Variants in PCSK2 observed in about 807,000 individuals in gnomAD.
PCSK2 encodes proprotein convertase subtilisin/kexin type 2, also known as neuroendocrine convertase 2.
A neutral mutation model predicts 69.7 loss-of-function variants in PCSK2; 14 were observed. The ratio of observed to expected loss-of-function variants is 0.20; its 90% CI spans 0.13 to 0.31. PCSK2 has a LOEUF of 0.31. PCSK2 is among the 10% of genes least tolerant of loss of function. PCSK2 has a pLI of 1.00. For missense variants in PCSK2, 544 were observed against 842.5 expected, an observed-to-expected ratio of 0.65 and a Z score of 4.39; for synonymous variants, 307 against 320.7, an observed-to-expected ratio of 0.96 and a Z score of 0.46.
intron 3 of PCSK2, among the ~76,000 whole-genome samples, chr20:17,360,219 G>A (rs2030343076): frequency 6.6e-6 from 1 of 152,082 alleles, no homozygotes; most frequent in Admixed American, 6.5e-5. Context: ...AGGGTTTCCT[G>A]CAATAGCAGC....
rs552112578 is a variant in PCSK2, at chr20:17,230,389, T to C, written c.177+2907T>C. On this transcript the variant is annotated intron_variant, in intron 1 of 11. Transcript: ENST00000262545. ...GAGAAATTACTGGCATCAGCTGTAA[T>C]TCTCAGATGAAAACCTTAAGGCCTT... 8.7e-4 allele frequency among the ~76,000 whole-genome samples: 132 copies of C among 152,362 alleles called. 2 individuals carry two copies. In the South Asian group the frequency reaches 0.027, roughly 31 times the overall value.
chr20:17,380,823 A>G (rs1170896292), intron 5 of PCSK2, among the ~76,000 whole-genome samples: 1 of 152,234 alleles, frequency 6.6e-6, no homozygotes, highest in East Asian at 1.9e-4. Context: ...TGAAATTAAA[A>G]GGGGCAATTA....
chr20:17,428,406 ATG>A (rs3076116), intron 6 of PCSK2, among the ~76,000 whole-genome samples: 6 of 151,000 alleles, frequency 4.0e-5, no homozygotes, highest in African/African-American at 9.7e-5. Context: ...GAGAAAGAAA[ATG>A]TGTGTGTGTG....
In PCSK2 at chr20:17,484,000, A is replaced by G. The variant is rs2033455234; in HGVS notation, c.*1930A>G. 6.6e-6 allele frequency: 1 copy of G among 152,510 alleles called. No individual in the cohort carries two copies. The highest frequency in any genetic ancestry group is 2.4e-5 in the African/African-American group (1 of 41,440). 9.4% of individuals were successfully genotyped at this position (152,510 alleles called of 1,614,324 possible). A position where few individuals can be genotyped will look rare whatever the true frequency, so the allele number is the denominator to read the frequency against. On this transcript the variant is annotated 3_prime_UTR_variant, in exon 12 of 12. Transcript: ENST00000262545. ...ATACACATATACCTATAATGTGTGT[A>G]TGTGTATTTATTGAAGAAACAGATA... is the stretch of plus-strand genomic sequence containing the variant.
chr20:17,428,357 G>A (rs2032290849), intron 6 of PCSK2, among the ~76,000 whole-genome samples: 1 of 152,112 alleles, frequency 6.6e-6, no homozygotes, highest in African/African-American at 2.4e-5. Context: ...CATGAAATAT[G>A]TAGCCTTTAT....
At chr20:17,438,995 G>C (rs1409006732) in intron 8 of PCSK2, among the ~76,000 whole-genome samples, 6 of 152,162 alleles carry the variant, frequency 3.9e-5, no homozygotes, top group Non-Finnish European at 8.8e-5. Context: ...TCTGCCTCAG[G>C]CTCTGCTTCT....
chr20:17,364,106 G>A (rs2030505282), intron 4 of PCSK2, among the ~76,000 whole-genome samples: 1 of 151,570 alleles, frequency 6.6e-6, no homozygotes, highest in African/African-American at 2.4e-5. Flanking sequence ...CCTGCACGTT[G>A]TGCACATGTA....
chr20:17,284,188 G>T (rs1480535267), intron 2 of PCSK2, among the ~76,000 whole-genome samples: 1 of 152,178 alleles, frequency 6.6e-6, no homozygotes, highest in Non-Finnish European at 1.5e-5. Flanking sequence ...TGGGAACATT[G>T]TTCCCACTAA....
intron 2 of PCSK2, among the ~76,000 whole-genome samples, chr20:17,273,241 C>T (rs1282279040): frequency 1.3e-5 from 2 of 152,104 alleles, no homozygotes; most frequent in Admixed American, 1.3e-4. Flanking sequence ...TATCATTGAA[C>T]TTCTATCAGT....
Position 17,453,712 on chromosome 20 carries a change from T to G in PCSK2, c.886-30T>G. 1 of 1,608,210 alleles carries G rather than the reference T, an allele frequency of 6.2e-7. No homozygotes were observed. Among genetic ancestry groups the G allele is most frequent in the Non-Finnish European group, 8.5e-7 (1 of 1,178,410 alleles). On this transcript the variant is annotated intron_variant, in intron 8 of 11. Transcript: ENST00000262545. This position sits in a 1 kb window ranked among gnomAD's most constrained non-coding sequence, Gnocchi z 4.0. Reference sequence around the variant, plus strand: ...GCCCCCTCGCAGCCCAGGCTGTGGGTAGCGGCAGCGTCTCCCCTGCTCTCC... The same window carrying G: ...GCCCCCTCGCAGCCCAGGCTGTGGGGAGCGGCAGCGTCTCCCCTGCTCTCC...
At chr20:17,360,737 T>C (rs2030363838) in intron 4 of PCSK2, 97 bp downstream of exon 4, 2 of 718,892 alleles carry the variant, frequency 2.8e-6, no homozygotes, top group Non-Finnish European at 4.9e-6. Flanking sequence ...TAACCAGAGA[T>C]GGAACAGCAA....
chr20:17,260,291 G>C lies in PCSK2; in HGVS notation c.229G>C (p.Ala77Pro). Residue 77 changes from alanine to proline, a missense_variant, in exon 2 of 12, where the codon GCC becomes CCC. Physicochemically the swap from Ala to Pro is conservative, Grantham distance 27 (BLOSUM62 -1). This residue lies in a region of PCSK2 where 157 missense variants were observed against 155.0 expected (regional missense o/e 1.01). Transcript: ENST00000262545. Reference protein sequence around the residue: ...YHFYHNGLAKAKRRRSLHHKQ... With the variant: ...YHFYHNGLAKPKRRRSLHHKQ... Reference sequence around the variant, plus strand: ...CTTTTATCACAATGGCCTTGCAAAGGCCAAGAGAAGACGCAGCCTACACCA... The same window carrying C: ...CTTTTATCACAATGGCCTTGCAAAGCCCAAGAGAAGACGCAGCCTACACCA... 1.2e-6 allele frequency: 2 copies of C among 1,613,928 alleles called. No individual in the cohort carries two copies. The highest frequency in any genetic ancestry group is 1.7e-6 in the Non-Finnish European group (2 of 1,179,882).
chr20:17,350,222 C>T (rs1002847639), intron 2 of PCSK2, among the ~76,000 whole-genome samples: 6 of 149,722 alleles, frequency 4.0e-5, no homozygotes, highest in Non-Finnish European at 7.4e-5. Context: ...GAGGTTAGCG[C>T]CTTAATATAT....
chr20:17,350,444 C>T (rs187763371), intron 2 of PCSK2, among the ~76,000 whole-genome samples: 22 of 151,968 alleles, frequency 1.4e-4, no homozygotes, highest in African/African-American at 5.3e-4. Context: ...CCCTTTGCTC[C>T]CCTTTCTCCT....
intron 2 of PCSK2, among the ~76,000 whole-genome samples, chr20:17,334,200 A>T (rs1422462680): frequency 6.6e-6 from 1 of 151,952 alleles, no homozygotes; most frequent in East Asian, 1.9e-4. Context: ...CTTTATATAG[A>T]AAACAGTTTT....
At chr20:17,479,425 C>T in intron 11 of PCSK2, 1 of 609,950 alleles carries the variant, frequency 1.6e-6, no homozygotes, top group East Asian at 3.3e-5. Context: ...CGATGGTACT[C>T]CTCCATGGTA....
At chr20:17,475,153 G>A (rs766811220) in intron 11 of PCSK2, among the ~76,000 whole-genome samples, 4 of 151,710 alleles carry the variant, frequency 2.6e-5, no homozygotes, top group East Asian at 1.9e-4. Context: ...CTGACCCACC[G>A]GGGGCTTTGG....
rs116302573 is a variant in PCSK2, at chr20:17,339,949, A to C, written c.283-18378A>C. On this transcript the variant is annotated intron_variant, in intron 2 of 11. Transcript: ENST00000262545. ...CGGATTTTAGGACCTAAGACTCAAC[A>C]TTTGCCTTTTATAACATCCATGCAA... 4.7e-3 allele frequency among the ~76,000 whole-genome samples: 711 copies of C among 152,270 alleles called. 4 individuals carry two copies. Among genetic ancestry groups the C allele is most frequent in the African/African-American group, 0.016 (680 of 41,560 alleles).
At chr20:17,364,977 A>G (rs1467505403) in intron 4 of PCSK2, among the ~76,000 whole-genome samples, 1 of 152,132 alleles carries the variant, frequency 6.6e-6, no homozygotes. Context: ...TGTCTTACTC[A>G]CCAGAGTGGC....
Sources: allele counts gnomAD v4.1 joint callset (sites outside exome capture counted in the v4.1 genomes callset), GRCh38; gene constraint gnomAD v4.1.1; regional missense constraint gnomAD v4.1.1; non-coding constraint Gnocchi (gnomAD v3.1); transcripts MANE v1.5; gene names NCBI Gene and HGNC (gene_info 2026-07-23, HGNC 2026-07-21).